Variants in RBPJ observed in about 807,000 individuals in gnomAD.
RBPJ encodes the protein recombination signal binding protein for immunoglobulin kappa J region, also known as recombining binding protein suppressor of hairless.
RBPJ carries 9 observed loss-of-function variants against 67.8 expected under a neutral mutation model. The observed-to-expected ratio is 0.13, with a 90% CI of 0.08 to 0.23. The LOEUF (loss-of-function observed/expected upper bound fraction) is 0.23, where lower values mean the gene tolerates loss of function less well. Ranked by LOEUF, RBPJ falls within the 10% of genes least tolerant of loss-of-function variation. RBPJ has a pLI of 1.00. For missense variants in RBPJ, 305 were observed against 595.6 expected, an observed-to-expected ratio of 0.51 and a Z score of 5.08; for synonymous variants, 198 against 203.3, an observed-to-expected ratio of 0.97 and a Z score of 0.22.
chr4:26,393,533 C>T (rs1731757721), intron 2 of RBPJ, among the ~76,000 whole-genome samples: 1 of 152,048 alleles, frequency 6.6e-6, no homozygotes, highest in Admixed American at 6.6e-5. Context: ...CACAACCATG[C>T]CTGGCTAATT....
At chr4:26,284,612 G>A (rs190495306) in intron 1 of RBPJ, among the ~76,000 whole-genome samples, 13 of 151,840 alleles carry the variant, frequency 8.6e-5, no homozygotes, top group Non-Finnish European at 1.5e-4. Flanking sequence ...GGGATCACAG[G>A]CATGTGCCAC....
chr4:26,275,093 A>G lies in RBPJ; in HGVS notation c.-166-87353A>G, dbSNP rs186622857. On this transcript the variant is annotated intron_variant, in intron 1 of 4. Coordinates refer to the RBPJ transcript ENST00000512351. ...TGTCAACTAATATTTGTAATAGACT[A>G]GTGAGATGTCATCGTCCCTATTTCA... 8.3e-4 allele frequency among the ~76,000 whole-genome samples: 127 copies of G among 152,306 alleles called. 1 individual carries two copies. In the South Asian group the frequency reaches 0.01, roughly 12 times the overall value.
intron 1 of RBPJ, among the ~76,000 whole-genome samples, chr4:26,275,430 C>G (rs1721046578): frequency 6.6e-6 from 1 of 152,092 alleles, no homozygotes; most frequent in Admixed American, 6.5e-5. Context: ...ACTTATGCCT[C>G]CCAACAGGCC....
intron 1 of RBPJ, among the ~76,000 whole-genome samples, chr4:26,323,645 T>G (rs540514519): frequency 6.6e-6 from 1 of 152,340 alleles, no homozygotes; most frequent in Admixed American, 6.5e-5. Flanking sequence ...TACACACTTG[T>G]AGGCATTAGA....
At chr4:26,394,886 T>C (rs1021602645) in intron 2 of RBPJ, among the ~76,000 whole-genome samples, 37 of 152,220 alleles carry the variant, frequency 2.4e-4, no homozygotes, top group African/African-American at 8.2e-4. Context: ...CATGAGGTTT[T>C]CTTCATAAAA....
chr4:26,195,075 T>C (rs1434810671), intron 1 of RBPJ, among the ~76,000 whole-genome samples: 1 of 152,122 alleles, frequency 6.6e-6, no homozygotes. Context: ...ATCTGGGAGA[T>C]TAATAAAAAC....
chr4:26,129,589 T>A, the RBPJ span, among the ~76,000 whole-genome samples: 1 of 152,242 alleles, frequency 6.6e-6, no homozygotes, highest in Non-Finnish European at 1.5e-5. Flanking sequence ...TGAGTTTTTA[T>A]GAACTTACTG....
At chr4:26,320,088 G>T (rs565234249), upstream of RBPJ, among the ~76,000 whole-genome samples, 36 of 152,334 alleles carry the variant, frequency 2.4e-4, no homozygotes, top group South Asian at 1.0e-3. Flanking sequence ...GCTCACACAC[G>T]GTGGTGGCTG....
At chr4:26,141,323 C>T in the RBPJ span, among the ~76,000 whole-genome samples, 14 of 152,214 alleles carry the variant, frequency 9.2e-5, no homozygotes, top group Non-Finnish European at 1.0e-4. Flanking sequence ...AAGAATGTAA[C>T]GGCAGGCCAG....
intron 1 of RBPJ, among the ~76,000 whole-genome samples, chr4:26,181,336 T>C (rs1464545688): frequency 2.0e-5 from 3 of 152,184 alleles, no homozygotes; most frequent in Non-Finnish European, 4.4e-5. Flanking sequence ...TAATCTCTGA[T>C]TTACATCTTC....
chr4:26,126,041 AT>A, the RBPJ span, among the ~76,000 whole-genome samples: 1 of 152,166 alleles, frequency 6.6e-6, no homozygotes, highest in Non-Finnish European at 1.5e-5. Flanking sequence ...TTACATCTAG[AT>A]TTTAAAGCCC....
chr4:26,334,215 A>G (rs1400649675), intron 1 of RBPJ, among the ~76,000 whole-genome samples: 1 of 151,424 alleles, frequency 6.6e-6, no homozygotes, highest in Admixed American at 6.6e-5. Context: ...TAATTTTTGT[A>G]TTTTTAGTAG....
At chr4:26,319,499 C>T (rs537503255), upstream of RBPJ, among the ~76,000 whole-genome samples, 3 of 152,020 alleles carry the variant, frequency 2.0e-5, no homozygotes, top group East Asian at 1.9e-4. Flanking sequence ...GCCCGCCGCC[C>T]GCCTCCCGGG....
chr4:26,155,906 A>C, the RBPJ span, among the ~76,000 whole-genome samples: 1 of 152,196 alleles, frequency 6.6e-6, no homozygotes, highest in African/African-American at 2.4e-5. Flanking sequence ...TTGAGAAGAA[A>C]GCATGGTAGG....
intron 1 of RBPJ, among the ~76,000 whole-genome samples, chr4:26,173,103 G>C (rs1437986532): frequency 6.6e-6 from 1 of 152,148 alleles, no homozygotes. Context: ...ACTGGGGTAA[G>C]GGACTACAGT....
chr4:26,166,623 A>G (rs1477703931), intron 1 of RBPJ, among the ~76,000 whole-genome samples: 1 of 152,020 alleles, frequency 6.6e-6, no homozygotes, highest in Non-Finnish European at 1.5e-5. Flanking sequence ...TATGAGCCCT[A>G]TGTCAGATGA....
the RBPJ span, among the ~76,000 whole-genome samples, chr4:26,157,120 A>C: frequency 1.3e-5 from 2 of 151,248 alleles, no homozygotes; most frequent in African/African-American, 4.8e-5. Flanking sequence ...AACAAACAAA[A>C]AAACCCCCAA....
At position 26,415,355 on chromosome 4, in the gene RBPJ, T is replaced by C. The variant is rs770097127; in HGVS notation, c.156-120T>C. The stretch of plus-strand genomic sequence containing the variant: ...CAAAAGGCTTCACCAAAATTTTTCA[T>C]TGGGGAATAGGTGCATTTCAATATG... On this transcript the variant is annotated intron_variant, in intron 3 of 10. Coordinates refer to ENST00000355476, the MANE Select transcript of RBPJ (RefSeq NM_015874.6). 22 of 871,600 alleles carry C rather than the reference T, an allele frequency of 2.5e-5. No individual in the cohort carries two copies. In the East Asian group the frequency reaches 3.9e-4, roughly 15 times the overall value. The allele number at this position is 871,600 out of a possible 1,614,324, so 54.0% of individuals were successfully genotyped here.
chr4:26,227,097 TAGA>T (rs1355371115), intron 1 of RBPJ, among the ~76,000 whole-genome samples: 5 of 152,182 alleles, frequency 3.3e-5, no homozygotes, highest in Non-Finnish European at 1.5e-5. Context: ...ACAGCAACAT[TAGA>T]AGGATACAAA....
Sources: allele counts gnomAD v4.1 joint callset (sites outside exome capture counted in the v4.1 genomes callset), GRCh38; gene constraint gnomAD v4.1.1; transcripts MANE v1.5; gene names NCBI Gene and HGNC (gene_info 2026-07-23, HGNC 2026-07-21).